The following EYS variants were observed in gnomAD, a reference collection of about 807,000 sequenced individuals.
The protein encoded by EYS is protein eyes shut homolog.
A neutral mutation model predicts 282.1 loss-of-function variants in EYS; 250 were observed. The observed-to-expected ratio is 0.89, with a 90% CI of 0.80 to 0.98. The LOEUF is 0.98. EYS is among the 50% of genes least tolerant of loss of function. EYS has a pLI of 0.00. For synonymous variants in EYS, 1,355 were observed against 1,282.9 expected, an observed-to-expected ratio of 1.06 and a Z score of -1.20; for missense variants, 4,016 against 3,709.0, an observed-to-expected ratio of 1.08 and a Z score of -2.15.
chr6:64,095,120 A>T (rs1772542763), intron 31 of EYS, among the ~76,000 whole-genome samples: 1 of 152,098 alleles, frequency 6.6e-6, no homozygotes, highest in Non-Finnish European at 1.5e-5. Context: ...TCTGAGAGAC[A>T]GTTTGTTATA....
chr6:64,142,199 T>A (rs1766247226), intron 31 of EYS, among the ~76,000 whole-genome samples: 1 of 152,048 alleles, frequency 6.6e-6, no homozygotes, highest in African/African-American at 2.4e-5. Context: ...CCGTTTATGG[T>A]CTTGGATACT....
At chr6:65,274,177 A>G (rs1240135283) in intron 12 of EYS, among the ~76,000 whole-genome samples, 3 of 152,216 alleles carry the variant, frequency 2.0e-5, no homozygotes, top group Non-Finnish European at 4.4e-5. Flanking sequence ...GTTATGGTAG[A>G]ACAGGACAAG....
intron 12 of EYS, among the ~76,000 whole-genome samples, chr6:65,154,719 T>C (rs1764692980): frequency 6.6e-6 from 1 of 151,528 alleles, no homozygotes; most frequent in Non-Finnish European, 1.5e-5. Flanking sequence ...TACCTACTGC[T>C]TGATTACTAG....
chr6:64,894,376 C>G (rs1050619267), intron 18 of EYS, among the ~76,000 whole-genome samples: 3 of 152,086 alleles, frequency 2.0e-5, no homozygotes, highest in Non-Finnish European at 4.4e-5. Context: ...ATCAGAGAAA[C>G]AGAGTGGACA....
chr6:65,128,447 G>C (rs1022081320), intron 12 of EYS, among the ~76,000 whole-genome samples: 1 of 151,946 alleles, frequency 6.6e-6, no homozygotes, highest in East Asian at 1.9e-4. Context: ...CTGCCAAAAA[G>C]CTCCTAGAAC....
At chr6:65,678,665 G>A (rs1025284950) in intron 1 of EYS, among the ~76,000 whole-genome samples, 1 of 151,636 alleles carries the variant, frequency 6.6e-6, no homozygotes, top group Non-Finnish European at 1.5e-5. Flanking sequence ...AGAGTAAAAA[G>A]GCAACCTGTA....
At chr6:65,192,955 A>G (rs1765677824) in intron 12 of EYS, among the ~76,000 whole-genome samples, 1 of 151,840 alleles carries the variant, frequency 6.6e-6, no homozygotes, top group Admixed American at 6.6e-5. Flanking sequence ...TTAATATATA[A>G]AATGCATTGT....
chr6:65,128,878 C>T (rs1775790339), intron 12 of EYS, among the ~76,000 whole-genome samples: 1 of 151,944 alleles, frequency 6.6e-6, no homozygotes, highest in African/African-American at 2.4e-5. Context: ...GCAAAAAGAA[C>T]AATGCTGGAA....
chr6:64,963,039 A>G (rs1220081740), intron 14 of EYS, among the ~76,000 whole-genome samples: 4 of 152,192 alleles, frequency 2.6e-5, no homozygotes, highest in Admixed American at 2.0e-4. Flanking sequence ...GGTAAAAGAT[A>G]TGCATATGAA....
intron 19 of EYS, among the ~76,000 whole-genome samples, chr6:64,862,637 G>A (rs1321522518): frequency 2.0e-5 from 3 of 151,842 alleles, no homozygotes; most frequent in Non-Finnish European, 4.4e-5. Context: ...TTGTTCTGTG[G>A]ATTACTCCTC....
At chr6:64,363,983 G>A (rs671938) in intron 29 of EYS, among the ~76,000 whole-genome samples, 2 of 151,604 alleles carry the variant, frequency 1.3e-5, no homozygotes, top group African/African-American at 2.4e-5. Flanking sequence ...CCAGAGCTTC[G>A]TTCATCTCTC....
At chr6:63,949,082 G>T (rs1345297354) in intron 35 of EYS, among the ~76,000 whole-genome samples, 1 of 152,016 alleles carries the variant, frequency 6.6e-6, no homozygotes, top group Non-Finnish European at 1.5e-5. Flanking sequence ...ATTCCATATA[G>T]CTCAAAGACT....
intron 2 of EYS, among the ~76,000 whole-genome samples, chr6:65,568,839 G>T (rs898985756): frequency 1.1e-4 from 17 of 152,162 alleles, no homozygotes; most frequent in African/African-American, 4.1e-4. Flanking sequence ...AAAAAACACT[G>T]ATGAAACCAC....
chr6:64,256,751 A>T (rs1543405), intron 30 of EYS, among the ~76,000 whole-genome samples: 104,456 of 151,844 alleles, frequency 0.69, 35,955 homozygotes, highest in South Asian at 0.71. Flanking sequence ...GCTATGAAGG[A>T]GTGAAAGGCA....
chr6:64,311,415 C>T (rs1769696517), intron 29 of EYS, among the ~76,000 whole-genome samples: 1 of 152,154 alleles, frequency 6.6e-6, no homozygotes, highest in Non-Finnish European at 1.5e-5. Flanking sequence ...TAGTCACGTG[C>T]TGCTGTGATT....
Position 64,709,788 on chromosome 6 carries a change from C to A in EYS, c.3444-83543G>T, listed in dbSNP as rs536053276. ...TAAGCTATGCATTAATATGATGGAC[C>A]ATTTATTTTAACTTTGTGGCATGAA... On this transcript the variant is annotated intron_variant, in intron 22 of 42. Transcript: ENST00000503581. Among the ~76,000 whole-genome samples the A allele has an allele frequency of 1.0e-3, 154 of 152,288 alleles. 2 individuals are homozygous for A. The Middle Eastern group carries it at 0.017, about 17-fold the overall frequency.
chr6:65,295,318 T>A (rs557595409), intron 12 of EYS, among the ~76,000 whole-genome samples: 4 of 152,112 alleles, frequency 2.6e-5, no homozygotes, highest in Admixed American at 2.6e-4. Flanking sequence ...TTTCTGATAT[T>A]TAACCTTAAA....
intron 33 of EYS, among the ~76,000 whole-genome samples, chr6:64,058,015 G>GTTTCACCAT (rs1771043164): frequency 2.0e-5 from 3 of 152,060 alleles, no homozygotes; most frequent in African/African-American, 7.2e-5. Context: ...GTAGAGACGG[G>GTTTCACCAT]GTTTCACCAT....
At chr6:64,837,856 G>A (rs1245721194) in intron 19 of EYS, among the ~76,000 whole-genome samples, 1 of 151,164 alleles carries the variant, frequency 6.6e-6, no homozygotes, top group African/African-American at 2.4e-5. Flanking sequence ...AGGAAGGGTG[G>A]GAGAGTGAGA....
Sources: allele counts gnomAD v4.1 joint callset (sites outside exome capture counted in the v4.1 genomes callset), GRCh38; gene constraint gnomAD v4.1.1; transcripts MANE v1.5; gene names NCBI Gene and HGNC (gene_info 2026-07-23, HGNC 2026-07-21).